Variants in MYT1L observed in about 807,000 individuals in gnomAD.
MYT1L encodes the protein myelin transcription factor 1-like protein.
MYT1L carries 12 observed loss-of-function variants against 126.7 expected under a neutral mutation model. That is an observed-to-expected ratio of 0.09 (90% CI 0.06 to 0.15). The LOEUF (loss-of-function observed/expected upper bound fraction) is 0.15. MYT1L is among the 10% of genes least tolerant of loss of function. MYT1L has a pLI of 1.00. For synonymous variants in MYT1L, 541 were observed against 604.2 expected, an observed-to-expected ratio of 0.90 and a Z score of 1.53; for missense variants, 979 against 1,585.2, an observed-to-expected ratio of 0.62 and a Z score of 6.49.
At chr2:1,821,459 A>G (rs2038514360) in intron 21 of MYT1L, among the ~76,000 whole-genome samples, 1 of 152,150 alleles carries the variant, frequency 6.6e-6, no homozygotes. Flanking sequence ...TTCTTGGGTT[A>G]TGAATACAAT....
At chr2:1,983,107 A>T (rs758197553) in intron 5 of MYT1L, among the ~76,000 whole-genome samples, 1 of 152,138 alleles carries the variant, frequency 6.6e-6, no homozygotes, top group Non-Finnish European at 1.5e-5. Flanking sequence ...TTCCCTCCCT[A>T]CACTAAAATA....
At chr2:1,951,751 G>A (rs1025021744) in intron 8 of MYT1L, among the ~76,000 whole-genome samples, 2 of 152,300 alleles carry the variant, frequency 1.3e-5, no homozygotes, top group Admixed American at 1.3e-4. Context: ...AACACCCAAC[G>A]ACTAGCAAGC....
At chr2:2,134,810 T>C (rs2082831878) in intron 3 of MYT1L, among the ~76,000 whole-genome samples, 1 of 152,226 alleles carries the variant, frequency 6.6e-6, no homozygotes, top group Non-Finnish European at 1.5e-5. Flanking sequence ...ATCTCTTTCC[T>C]CGTCTGTGGC....
intron 18 of MYT1L, among the ~76,000 whole-genome samples, chr2:1,869,815 C>T (rs1191623502): frequency 1.2e-4 from 19 of 152,144 alleles, no homozygotes; most frequent in Admixed American, 1.2e-3. Flanking sequence ...TCAGGTTTCC[C>T]AGCAAGTGGC....
At chr2:1,923,965 G>C (rs878915995) in intron 9 of MYT1L, among the ~76,000 whole-genome samples, 1 of 152,192 alleles carries the variant, frequency 6.6e-6, no homozygotes, top group African/African-American at 2.4e-5. Context: ...TGTCTCCACA[G>C]GTTTGAAAGT....
intron 2 of MYT1L, among the ~76,000 whole-genome samples, chr2:2,252,516 C>T (rs943995771): frequency 3.9e-5 from 6 of 152,346 alleles, no homozygotes; most frequent in African/African-American, 1.4e-4. Context: ...GGGATCAGTG[C>T]AGAAACTGCT....
At chr2:2,010,438 G>C (rs2063717734) in intron 4 of MYT1L, among the ~76,000 whole-genome samples, 1 of 152,074 alleles carries the variant, frequency 6.6e-6, no homozygotes, top group South Asian at 2.1e-4. Context: ...GTGTTGTCTG[G>C]GTGTAGACAG....
chr2:1,933,937 G>A (rs1365919233), intron 9 of MYT1L, among the ~76,000 whole-genome samples: 1 of 151,696 alleles, frequency 6.6e-6, no homozygotes, highest in East Asian at 1.9e-4. Flanking sequence ...ATGCAGAGGT[G>A]GAAGTTCAGA....
At chr2:1,810,752 T>C (rs997699550) in intron 21 of MYT1L, among the ~76,000 whole-genome samples, 1 of 152,226 alleles carries the variant, frequency 6.6e-6, no homozygotes, top group Admixed American at 6.5e-5. Context: ...ACTGGGGATA[T>C]TAGTGGTTGT....
chr2:2,150,227 C>G (rs1044450029), intron 3 of MYT1L, among the ~76,000 whole-genome samples: 63 of 152,184 alleles, frequency 4.1e-4, no homozygotes, highest in Admixed American at 4.1e-3. Context: ...CCGTAAGGCT[C>G]TCTAAGGTGA....
Position 2,112,924 on chromosome 2 carries a change from C to T in MYT1L, c.-303-58801G>A, listed in dbSNP as rs561712488. On this transcript the variant is annotated intron_variant, in intron 3 of 24. Coordinates refer to ENST00000647738, the MANE Select transcript of MYT1L (RefSeq NM_001303052.2). ...TGCAAATGCCTGTAATGCTGATCTC[C>T]TCTGCAGAGCTGGCTTCATAATCAT... Among the ~76,000 whole-genome samples the T allele has an allele frequency of 2.0e-5, 3 of 152,318 alleles. No homozygotes were observed. In the South Asian group the frequency reaches 6.2e-4, roughly 32 times the overall value.
At chr2:2,053,638 A>T (rs1468286473) in intron 4 of MYT1L, among the ~76,000 whole-genome samples, 1 of 152,136 alleles carries the variant, frequency 6.6e-6, no homozygotes, top group Non-Finnish European at 1.5e-5. Flanking sequence ...GGACACAGGG[A>T]TCTGATTTTA....
At chr2:2,044,636 C>T (rs573921627) in intron 4 of MYT1L, among the ~76,000 whole-genome samples, 1 of 152,096 alleles carries the variant, frequency 6.6e-6, no homozygotes, top group African/African-American at 2.4e-5. Context: ...TAAATATTTG[C>T]GTTGATAGTA....
At chr2:1,807,906 CCTGGT>C (rs1382236333) in intron 22 of MYT1L, among the ~76,000 whole-genome samples, 1 of 152,116 alleles carries the variant, frequency 6.6e-6, no homozygotes, top group Non-Finnish European at 1.5e-5. Flanking sequence ...GTGGGAGGGA[CCTGGT>C]GGGAGGTAAT....
At chr2:1,989,060 G>C (rs2149549543) in intron 5 of MYT1L, among the ~76,000 whole-genome samples, 1 of 152,114 alleles carries the variant, frequency 6.6e-6, no homozygotes, top group African/African-American at 2.4e-5. Flanking sequence ...CTAGTATGCT[G>C]GTACTTTGGC....
Position 2,211,577 on chromosome 2 carries a change from G to T in MYT1L, c.-420-38589C>A, listed in dbSNP as rs555794677. Reference sequence around the variant, plus strand: ...AATCCCTGCACTTTAGGAGGCCGAGGCGGGCAGATCATGAGGTCAGGAGTT... The same window carrying T: ...AATCCCTGCACTTTAGGAGGCCGAGTCGGGCAGATCATGAGGTCAGGAGTT... On this transcript the variant is annotated intron_variant, in intron 2 of 24. Coordinates refer to ENST00000647738, the MANE Select transcript of MYT1L (RefSeq NM_001303052.2). Among the ~76,000 whole-genome samples the T allele has an allele frequency of 6.4e-3, 976 of 152,186 alleles. 8 individuals carry two copies. Among genetic ancestry groups the T allele is most frequent in the African/African-American group, 0.022 (925 of 41,516 alleles).
intron 21 of MYT1L, among the ~76,000 whole-genome samples, chr2:1,838,045 G>C (rs1238556728): frequency 6.6e-6 from 1 of 152,022 alleles, no homozygotes; most frequent in African/African-American, 2.4e-5. Flanking sequence ...CCGAGTAGCT[G>C]GGATTACAGG....
At chr2:2,319,096 T>C (rs2149676007) in intron 1 of MYT1L, 1 of 152,330 alleles carries the variant, frequency 6.6e-6, no homozygotes, top group African/African-American at 2.4e-5. Context: ...CAGCCAATGG[T>C]GAGCCGGTGG....
chr2:1,799,805 C>A (rs1483896203), intron 23 of MYT1L, among the ~76,000 whole-genome samples: 1 of 152,168 alleles, frequency 6.6e-6, no homozygotes, highest in Non-Finnish European at 1.5e-5. Flanking sequence ...AGGGCAGGAC[C>A]AGGTGGAGGT....
Sources: gnomAD v4.1 joint callset for allele counts (sites outside exome capture counted in the v4.1 genomes callset) on GRCh38, gnomAD v4.1.1 for gene constraint, MANE v1.5 for transcripts, NCBI Gene and HGNC (gene_info 2026-07-23, HGNC 2026-07-21) for gene names.